ZNF483: variants seen among roughly 807,000 people sequenced by gnomAD.
ZNF483 encodes the protein zinc finger protein 483.
In ZNF483, 9 loss-of-function variants were observed where a neutral mutation model predicts 28.6. The ratio of observed to expected loss-of-function variants is 0.32; its 90% CI spans 0.19 to 0.55. The LOEUF is 0.55. ZNF483 is among the 20% of genes least tolerant of loss of function. The pLI, the probability that ZNF483 is intolerant of heterozygous loss-of-function variation, is 0.93. For missense variants in ZNF483, 675 were observed against 871.7 expected (o/e 0.77, Z 2.84); for synonymous variants, 322 against 306.2 (o/e 1.05, Z -0.54).
rs1268042632 is a variant in ZNF483 at position 111,555,362 on chromosome 9, A to G, written c.*12192A>G. ...AGCCTCTGATTTTCTCCCTACTTCCAGAAAACCTGATGCCTCCACCTCCTA... is the reference window on the plus strand; with the variant it reads ...AGCCTCTGATTTTCTCCCTACTTCCGGAAAACCTGATGCCTCCACCTCCTA... On this transcript the variant is annotated 3_prime_UTR_variant, in exon 6 of 6. Transcript: ENST00000309235. Among the ~76,000 whole-genome samples, 1 of 152,134 alleles carries G rather than the reference A, an allele frequency of 6.6e-6. No homozygotes were observed. Among genetic ancestry groups the G allele is most frequent in the African/African-American group, 2.4e-5 (1 of 41,422 alleles).
intron 5 of ZNF483, among the ~76,000 whole-genome samples, chr9:111,564,877 A>G (rs1307360045): frequency 3.3e-5 from 5 of 151,970 alleles, no homozygotes; most frequent in Non-Finnish European, 7.4e-5. Flanking sequence ...TAATCCCAGC[A>G]CTTTGGGAGG....
chr9:111,542,993 A>G lies in ZNF483; in HGVS notation c.2058A>G (p.Thr686=), dbSNP rs1564598010. 1.9e-6 allele frequency: 3 copies of G among 1,614,160 alleles called. No individual in the cohort carries two copies. The highest frequency in any genetic ancestry group is 2.5e-6 in the Non-Finnish European group (3 of 1,180,004). Residue 686 remains threonine, a synonymous_variant, in exon 6 of 6, where the codon ACA becomes ACG. Transcript: ENST00000309235. This position sits in a 1 kb window ranked among gnomAD's most constrained non-coding sequence, Gnocchi z 6.2. ...SSLNEHHRIH[T]GEKPYECNYC... ...TTAATGAGCACCACCGAATTCATAC[A>G]GGAGAGAAACCCTATGAGTGTAACT... is the stretch of plus-strand genomic sequence containing the variant.
intron 5 of ZNF483, among the ~76,000 whole-genome samples, chr9:111,561,996 C>G (rs1483351072): frequency 6.6e-6 from 1 of 151,268 alleles, no homozygotes; most frequent in East Asian, 1.9e-4. Flanking sequence ...AGCGATTTTC[C>G]TGCCTCAGCC....
chr9:111,533,089 TAC>T (rs1827390914), intron 3 of ZNF483, among the ~76,000 whole-genome samples: 1 of 152,236 alleles, frequency 6.6e-6, no homozygotes, highest in Non-Finnish European at 1.5e-5. Context: ...GATATTATTG[TAC>T]AGTTATTACC....
intron 2 of ZNF483, among the ~76,000 whole-genome samples, chr9:111,529,797 C>T (rs1003906407): frequency 2.0e-5 from 3 of 152,024 alleles, no homozygotes; most frequent in Non-Finnish European, 4.4e-5. Context: ...AAGAGTGGGA[C>T]AACTTTTTGT....
At chr9:111,572,775 A>T in intron 5 of ZNF483, among the ~76,000 whole-genome samples, 1 of 146,008 alleles carries the variant, frequency 6.8e-6, no homozygotes, top group African/African-American at 2.5e-5. Context: ...AAAAAAAAAA[A>T]AAAAATTAAA....
At position 111,560,982 on chromosome 9, in the gene ZNF483, G is replaced by T. The variant is rs575769885; in HGVS notation, c.722-15383G>T. Reference sequence around the variant, plus strand: ...ATATATATATATATATATAGAGAGAGAGAGAGAGAGAGAGAGAGAGAGAGA... The same window carrying T: ...ATATATATATATATATATAGAGAGATAGAGAGAGAGAGAGAGAGAGAGAGA... On this transcript the variant is annotated intron_variant, in intron 5 of 5. Transcript: ENST00000358151. 6.6e-3 allele frequency among the ~76,000 whole-genome samples: 297 copies of T among 44,828 alleles called. 11 individuals carry two copies. The highest frequency in any genetic ancestry group is 0.017 in the East Asian group (20 of 1,152). The allele number at this position is 44,828 out of a possible 152,430, so 29.4% of individuals were successfully genotyped here.
intron 5 of ZNF483, among the ~76,000 whole-genome samples, chr9:111,565,907 A>G (rs1367748187): frequency 2.6e-5 from 4 of 151,996 alleles, no homozygotes; most frequent in African/African-American, 9.7e-5. Context: ...AATTAGGCCA[A>G]CTCACGACTT....
intron 5 of ZNF483, among the ~76,000 whole-genome samples, chr9:111,565,825 T>G (rs897195228): frequency 6.6e-6 from 1 of 152,016 alleles, no homozygotes; most frequent in Non-Finnish European, 1.5e-5. Flanking sequence ...GCACCCAGCC[T>G]AAAACTTTTC....
At chr9:111,572,583 C>T (rs1370895417) in intron 5 of ZNF483, among the ~76,000 whole-genome samples, 3 of 151,718 alleles carry the variant, frequency 2.0e-5, no homozygotes, top group Non-Finnish European at 2.9e-5. Flanking sequence ...GAGTGAGACT[C>T]TGTCTCAAAA....
Position 111,527,685 on chromosome 9 carries a change from T to A in ZNF483, c.290T>A (p.Phe97Tyr). The change falls in exon 2 of 6, where the codon TTT (phenylalanine) becomes TAT (tyrosine). Residue 97 changes from phenylalanine to tyrosine, a missense_variant. Around this residue, in one of 6 missense-constraint regions of ZNF483, gnomAD observed 525 missense variants for 581.8 expected, o/e 0.90. Transcript: ENST00000309235. ...TKEQILELLV[F>Y]EQFLTILPGE... is the part of the protein sequence containing the mutation. The stretch of plus-strand genomic sequence containing the variant: ...GAACAGATTTTAGAGCTTCTGGTGT[T>A]TGAGCAGTTCCTGACCATTTTGCCT... 2 of 1,614,112 alleles carry A rather than the reference T, an allele frequency of 1.2e-6. No homozygotes were observed. The highest frequency in any genetic ancestry group is 8.5e-7 in the Non-Finnish European group (1 of 1,180,036).
intron 5 of ZNF483, among the ~76,000 whole-genome samples, chr9:111,569,549 G>A (rs537205715): frequency 5.9e-5 from 9 of 152,226 alleles, no homozygotes; most frequent in Non-Finnish European, 8.8e-5. Flanking sequence ...AGACTGAGGC[G>A]GGCGCATCAC....
chr9:111,570,044 G>T, intron 5 of ZNF483: 1 of 1,610,774 alleles, frequency 6.2e-7, no homozygotes, highest in African/African-American at 1.3e-5. Context: ...GGCAAAGGGA[G>T]TGTGACCTAG....
intron 2 of ZNF483, among the ~76,000 whole-genome samples, chr9:111,530,234 C>T (rs1827287115): frequency 6.6e-6 from 1 of 152,142 alleles, no homozygotes; most frequent in African/African-American, 2.4e-5. Context: ...GGACACAGCT[C>T]ATGAGAGTTT....
chr9:111,562,361 C>T (rs571730387), intron 5 of ZNF483, among the ~76,000 whole-genome samples: 17 of 151,676 alleles, frequency 1.1e-4, no homozygotes, highest in African/African-American at 2.2e-4. Context: ...CTGAAACTTC[C>T]GCCTCCCAGG....
intron 1 of ZNF483, among the ~76,000 whole-genome samples, chr9:111,525,878 G>T (rs1827174636): frequency 6.6e-6 from 1 of 152,158 alleles, no homozygotes; most frequent in East Asian, 1.9e-4. Flanking sequence ...GAAGTGGGTT[G>T]TTATTGGTAT....
intron 2 of ZNF483, among the ~76,000 whole-genome samples, chr9:111,528,431 C>T (rs1827233819): frequency 1.3e-5 from 2 of 152,104 alleles, no homozygotes; most frequent in African/African-American, 2.4e-5. Flanking sequence ...ATTATAAATA[C>T]AAATGTATAA....
At chr9:111,560,893 A>T (rs1316110954) in intron 5 of ZNF483, among the ~76,000 whole-genome samples, 1 of 144,744 alleles carries the variant, frequency 6.9e-6, no homozygotes, top group African/African-American at 2.6e-5. Flanking sequence ...CAGTGAGTGG[A>T]GATCGCACCA....
At chr9:111,576,585 C>T in exon 6 of ZNF483, 4 of 658,934 alleles carry the variant, frequency 6.1e-6, no homozygotes, top group Non-Finnish European at 9.9e-6. Flanking sequence ...CTTAACACTT[C>T]TGAACCTCCT....
Sources: allele counts gnomAD v4.1 joint callset (sites outside exome capture counted in the v4.1 genomes callset), GRCh38; gene constraint gnomAD v4.1.1; regional missense constraint gnomAD v4.1.1; non-coding constraint Gnocchi (gnomAD v3.1); transcripts MANE v1.5; gene names NCBI Gene and HGNC (gene_info 2026-07-23, HGNC 2026-07-21).